COL4A3: variants seen among roughly 807,000 people sequenced by gnomAD.
COL4A3 encodes collagen alpha-3(IV) chain.
COL4A3 carries 135 observed loss-of-function variants against 217.4 expected under a neutral mutation model. The observed-to-expected ratio is 0.62, with a 90% CI of 0.54 to 0.72. COL4A3 has a LOEUF of 0.72. COL4A3 is among the 30% of genes least tolerant of loss of function. The probability of loss-of-function intolerance (pLI) is 0.00; values close to 1 mark genes in which losing one functional copy is unlikely to be tolerated. For synonymous variants in COL4A3, 690 were observed against 736.3 expected (o/e 0.94, Z 1.02); for missense variants, 1,868 against 2,119.9 (o/e 0.88, Z 2.33).
chr2:227,235,232 C>A (rs775941762), intron 1 of COL4A3, among the ~76,000 whole-genome samples: 3 of 151,752 alleles, frequency 2.0e-5, no homozygotes, highest in Non-Finnish European at 2.9e-5. Flanking sequence ...TGGGAATCCA[C>A]ACTTTGAGTT....
At chr2:227,291,567 AAAAAAAAAAAAAC>A (rs1235055757) in intron 37 of COL4A3, among the ~76,000 whole-genome samples, 2,861 of 27,974 alleles carry the variant, frequency 0.1, 59 homozygotes, top group Non-Finnish European at 0.15. Context: ...CGTCTCAAAA[AAAAAAAAAAAAAC>A]AAAAAAAAAA....
At chr2:227,303,815 C>T (rs1307883698) in intron 44 of COL4A3, 44 bp from the exon 45 acceptor site, 1 of 1,576,440 alleles carries the variant, frequency 6.3e-7, no homozygotes. Context: ...CTAGGAAACC[C>T]ATTGATCTAA....
chr2:227,249,230 A>ATATATTTTTTTT, intron 9 of COL4A3, among the ~76,000 whole-genome samples: 3 of 14,694 alleles, frequency 2.0e-4, no homozygotes, highest in African/African-American at 5.3e-4. Context: ...ATATATATAT[A>ATATATTTTTTTT]TTTTTTTTTT....
chr2:227,269,771 A>G, intron 23 of COL4A3, 139 bp from the exon 24 acceptor site: 1 of 703,488 alleles, frequency 1.4e-6, no homozygotes, highest in East Asian at 2.8e-5. Context: ...CCATTCTCTT[A>G]TTGCATTTAT....
chr2:227,278,656 G>T (rs889219088), intron 28 of COL4A3, among the ~76,000 whole-genome samples: 1 of 152,084 alleles, frequency 6.6e-6, no homozygotes, highest in African/African-American at 2.4e-5. Flanking sequence ...CCTCACATTT[G>T]TACTTCATTC....
rs192291658 is a variant in COL4A3, at chr2:227,188,053, G to A, written c.87+23240G>A. On this transcript the variant is annotated intron_variant, in intron 1 of 51. Coordinates refer to ENST00000396578, the MANE Select transcript of COL4A3 (RefSeq NM_000091.5). ...CCCCCACTGTTTTGTTTTTATGAGGGCTAGAAGAACAACATCCCCGAACTA... is the reference window on the plus strand; with the variant it reads ...CCCCCACTGTTTTGTTTTTATGAGGACTAGAAGAACAACATCCCCGAACTA... Among the ~76,000 whole-genome samples, 7 of 150,422 alleles carry A rather than the reference G, an allele frequency of 4.7e-5. No homozygotes were observed. In the East Asian group the frequency reaches 1.4e-3, roughly 31 times the overall value.
At chr2:227,289,781 A>C (rs2072567153) in intron 35 of COL4A3, among the ~76,000 whole-genome samples, 1 of 152,094 alleles carries the variant, frequency 6.6e-6, no homozygotes, top group Admixed American at 6.6e-5. Context: ...AGTGTTTGAA[A>C]CCCAGGTCTG....
At chr2:227,240,991 TTGTC>T (rs1361662867) in intron 3 of COL4A3, among the ~76,000 whole-genome samples, 4 of 151,484 alleles carry the variant, frequency 2.6e-5, no homozygotes, top group Non-Finnish European at 5.9e-5. Context: ...CTTGAAACAC[TTGTC>T]TGTCTTTCTT....
chr2:227,276,363 T>C (rs752873115), intron 26 of COL4A3, 22 bp from the exon 27 acceptor site: 1 of 1,585,284 alleles, frequency 6.3e-7, no homozygotes. Context: ...ACCCCAATCT[T>C]ATGACCACAA....
intron 1 of COL4A3, among the ~76,000 whole-genome samples, chr2:227,194,077 GAGA>G (rs2066374892): frequency 3.5e-5 from 3 of 85,938 alleles, no homozygotes; most frequent in Admixed American, 1.1e-4. Flanking sequence ...GGGAAGTAAG[GAGA>G]GAGGGAGGGA....
Position 227,202,902 on chromosome 2 carries a change from T to C in COL4A3, c.88-35066T>C, listed in dbSNP as rs796390860. Reference sequence around the variant, plus strand: ...ATACATATGTGTATATATGTGTATATATGTGTATATATACATATATGTGTA... The same window carrying C: ...ATACATATGTGTATATATGTGTATACATGTGTATATATACATATATGTGTA... On this transcript the variant is annotated intron_variant, in intron 1 of 51. Transcript: ENST00000396578. Among the ~76,000 whole-genome samples the C allele has an allele frequency of 7.0e-5, 3 of 42,656 alleles. 1 individual carries two copies. Among genetic ancestry groups the C allele is most frequent in the South Asian group, 8.7e-4 (1 of 1,156 alleles). The allele number at this position is 42,656 out of a possible 152,430, so 28.0% of individuals were successfully genotyped here.
intron 1 of COL4A3, among the ~76,000 whole-genome samples, chr2:227,184,891 C>CCTT (rs2065972095): frequency 1.6e-5 from 1 of 62,570 alleles, no homozygotes; most frequent in Admixed American, 2.0e-4. Context: ...CCTCACTGGC[C>CCTT]TTTTTTTTTT....
chr2:227,251,298 C>T, intron 10 of COL4A3, 38 bp from the exon 11 acceptor site: 2 of 1,610,540 alleles, frequency 1.2e-6, no homozygotes, highest in Admixed American at 1.7e-5. Flanking sequence ...TGGTTGGATG[C>T]ATTTCCTGCT....
At chr2:227,260,203 G>A (rs950178521) in intron 19 of COL4A3, 20 of 462,714 alleles carry the variant, frequency 4.3e-5, no homozygotes, top group East Asian at 2.9e-4. Flanking sequence ...AATGGAGACC[G>A]CGAACAAACT....
intron 1 of COL4A3, among the ~76,000 whole-genome samples, chr2:227,223,861 T>C (rs939007039): frequency 6.6e-6 from 1 of 152,228 alleles, no homozygotes; most frequent in Non-Finnish European, 1.5e-5. Context: ...AATTAGATAG[T>C]GTCTATTGTC....
chr2:227,280,134 G>A (rs1055711861), intron 29 of COL4A3, among the ~76,000 whole-genome samples: 17 of 152,172 alleles, frequency 1.1e-4, no homozygotes, highest in African/African-American at 3.9e-4. Flanking sequence ...AATAATCAGA[G>A]TATTTAAAAT....
intron 47 of COL4A3, chr2:227,305,353 G>A (rs2073458141): frequency 9.7e-6 from 4 of 410,808 alleles, no homozygotes; most frequent in African/African-American, 2.0e-5. Flanking sequence ...AGTCCTATGG[G>A]TGTTCTTTCA....
chr2:227,226,957 C>G (rs1350903077), intron 1 of COL4A3, among the ~76,000 whole-genome samples: 1 of 152,168 alleles, frequency 6.6e-6, no homozygotes, highest in African/African-American at 2.4e-5. Flanking sequence ...AAATAAATAT[C>G]CACAACATTT....
At chr2:227,308,795 C>G in intron 48 of COL4A3, 104 bp from the exon 49 acceptor site, 3 of 1,207,078 alleles carry the variant, frequency 2.5e-6, no homozygotes, top group Non-Finnish European at 2.4e-6. Flanking sequence ...TTGTCTTTGT[C>G]CAGCTTTTGC....
Sources: allele counts gnomAD v4.1 joint callset (sites outside exome capture counted in the v4.1 genomes callset), GRCh38; gene constraint gnomAD v4.1.1; transcripts MANE v1.5; gene names NCBI Gene and HGNC (gene_info 2026-07-23, HGNC 2026-07-21).